The following UGT1A10 variants were observed in gnomAD, a reference collection of about 807,000 sequenced individuals.
The protein encoded by UGT1A10 is UDP-glucuronosyltransferase 1A10.
Under a neutral mutation model 45.8 loss-of-function variants are expected in UGT1A10, and 49 were observed. The ratio of observed to expected loss-of-function variants is 1.07; its 90% CI spans 0.85 to 1.36. UGT1A10 has a LOEUF of 1.36. Ranked by LOEUF, UGT1A10 falls within the 40% of genes most tolerant of loss-of-function variation. The pLI is 0.00. For synonymous variants in UGT1A10, 284 were observed against 249.7 expected, an observed-to-expected ratio of 1.14 and a Z score of -1.29; for missense variants, 745 against 668.6, an observed-to-expected ratio of 1.11 and a Z score of -1.26.
rs770923488 is a variant in UGT1A10 at position 233,692,986 on chromosome 2, T to G, written c.855+55609T>G. On this transcript the variant is annotated intron_variant, in intron 1 of 4. Coordinates refer to ENST00000344644, the MANE Select transcript of UGT1A10 (RefSeq NM_019075.4). ...AGTGAAAACTCTTTATTACCGTTGT[T>G]ACTTTAACTCTTTCCAGGATGGCCT... 4 of 1,613,542 alleles carry G rather than the reference T, an allele frequency of 2.5e-6. No homozygotes were observed. In the East Asian group the frequency reaches 8.9e-5, roughly 36 times the overall value.
At chr2:233,744,111 T>C in intron 1 of UGT1A10, 1 of 390,020 alleles carries the variant, frequency 2.6e-6, no homozygotes, top group Non-Finnish European at 4.7e-6. Context: ...CTGGCCCTGC[T>C]CTCTGTGAGG....
intron 1 of UGT1A10, chr2:233,671,853 GGTTTTGTGCT>G (rs2125501050): frequency 6.6e-7 from 1 of 1,510,124 alleles, no homozygotes; most frequent in East Asian, 2.3e-5. Context: ...ATTGGGGTCA[GGTTTTGTGCT>G]GGTATTTCTC....
chr2:233,757,975 AG>A (rs1275184498), intron 1 of UGT1A10, among the ~76,000 whole-genome samples: 1 of 152,126 alleles, frequency 6.6e-6, no homozygotes, highest in Non-Finnish European at 1.5e-5. Flanking sequence ...CTCAGCCCCT[AG>A]AGCACCATCC....
At chr2:233,672,437 T>C (rs145923738) in intron 1 of UGT1A10, 199 of 1,613,868 alleles carry the variant, frequency 1.2e-4, no homozygotes, top group Non-Finnish European at 1.4e-4. Flanking sequence ...TCCGTGGTCT[T>C]CGCCAGGGGA....
intron 1 of UGT1A10, among the ~76,000 whole-genome samples, chr2:233,720,662 A>C (rs1219238244): frequency 2.6e-5 from 4 of 151,614 alleles, no homozygotes; most frequent in East Asian, 3.9e-4. Flanking sequence ...CCAAATTCAC[A>C]CACCAATGAA....
chr2:233,669,850 A>T (rs2074146424), intron 1 of UGT1A10, among the ~76,000 whole-genome samples: 1 of 151,926 alleles, frequency 6.6e-6, no homozygotes, highest in Admixed American at 6.6e-5. Context: ...CCTGCAGCTA[A>T]TTTTTTGCAT....
rs763953331 is a variant in UGT1A10, at chr2:233,743,717, C to T, written c.856-23317C>T. The T allele has an allele frequency of 8.8e-6, 12 of 1,367,234 alleles. No individual in the cohort carries two copies. In the East Asian group the frequency reaches 2.7e-4, roughly 31 times the overall value. 84.7% of individuals were successfully genotyped at this position (1,367,234 alleles called of 1,614,324 possible). On this transcript the variant is annotated intron_variant, in intron 1 of 4. Coordinates refer to ENST00000344644, the MANE Select transcript of UGT1A10 (RefSeq NM_019075.4). ...GCCCTCCGCCCCCGCCTCGCCATAG[C>T]GGTCATAGATATCGCGTTTCTTGGC... is the stretch of plus-strand genomic sequence containing the variant.
chr2:233,757,270 C>T (rs1464122204), intron 1 of UGT1A10, among the ~76,000 whole-genome samples: 2 of 102,654 alleles, frequency 1.9e-5, no homozygotes, highest in African/African-American at 7.7e-5. Context: ...GCAGCCGATG[C>T]AATGATTCAG....
At chr2:233,764,093 T>G (rs1018562208) in intron 1 of UGT1A10, among the ~76,000 whole-genome samples, 2 of 152,200 alleles carry the variant, frequency 1.3e-5, no homozygotes, top group African/African-American at 4.8e-5. Context: ...AAGCCTAAAC[T>G]AAAAATACAA....
chr2:233,668,089 G>A (rs1350869213), intron 1 of UGT1A10, among the ~76,000 whole-genome samples: 2 of 151,892 alleles, frequency 1.3e-5, no homozygotes, highest in East Asian at 1.9e-4. Context: ...AAGTTCTAGG[G>A]TACATGTGCA....
chr2:233,672,801 C>T (rs974007570), intron 1 of UGT1A10: 5 of 1,611,850 alleles, frequency 3.1e-6, no homozygotes, highest in Non-Finnish European at 4.2e-6. Context: ...TAAGTTATCT[C>T]TCCTTTAGCA....
chr2:233,655,235 A>G (rs1388674008), intron 1 of UGT1A10, among the ~76,000 whole-genome samples: 1 of 152,216 alleles, frequency 6.6e-6, no homozygotes, highest in East Asian at 1.9e-4. Flanking sequence ...GGCAAAGTCT[A>G]TTATCAGCTA....
intron 1 of UGT1A10, chr2:233,719,003 C>A: frequency 6.2e-7 from 1 of 1,614,256 alleles, no homozygotes; most frequent in Non-Finnish European, 8.5e-7. Flanking sequence ...CGGTGGTCCT[C>A]ACCCCAGAGG....
At chr2:233,695,268 G>C (rs1263481356) in intron 1 of UGT1A10, among the ~76,000 whole-genome samples, 1 of 151,854 alleles carries the variant, frequency 6.6e-6, no homozygotes, top group African/African-American at 2.4e-5. Flanking sequence ...TGGGACTATA[G>C]GCATGTGCCA....
At chr2:233,754,200 T>C (rs1333668014) in intron 1 of UGT1A10, 4 of 162,792 alleles carry the variant, frequency 2.5e-5, no homozygotes, top group Non-Finnish European at 5.4e-5. Context: ...CAGTAAAACA[T>C]TGAAGTCAAA....
chr2:233,761,044 G>C (rs1697654904), intron 1 of UGT1A10: 3 of 1,614,190 alleles, frequency 1.9e-6, no homozygotes, highest in Non-Finnish European at 2.5e-6. Flanking sequence ...CTCTGCATCT[G>C]TCTGGCTGTT....
intron 1 of UGT1A10, chr2:233,754,778 A>G (rs1399549713): frequency 3.5e-6 from 4 of 1,127,052 alleles, no homozygotes; most frequent in Non-Finnish European, 3.6e-6. Flanking sequence ...CCAGGGAGCC[A>G]AAGGAACGAA....
chr2:233,698,798 C>T (rs572322118), intron 1 of UGT1A10, among the ~76,000 whole-genome samples: 1 of 152,238 alleles, frequency 6.6e-6, no homozygotes, highest in South Asian at 2.1e-4. Flanking sequence ...AACCTCTGGG[C>T]TCCCAGCCTC....
rs534080873 is a variant in UGT1A10 at position 233,731,172 on chromosome 2, T to C, written c.856-35862T>C. Among the ~76,000 whole-genome samples, 21 of 152,344 alleles carry C rather than the reference T, an allele frequency of 1.4e-4. No individual in the cohort carries two copies. The South Asian group carries it at 3.1e-3, about 23-fold the overall frequency. The stretch of plus-strand genomic sequence containing the variant: ...CTTTTTGATCAAACGACATGATTTT[T>C]TTATGCAATGTAATTATTCAATTAT... On this transcript the variant is annotated intron_variant, in intron 1 of 4. Coordinates refer to ENST00000344644, the MANE Select transcript of UGT1A10 (RefSeq NM_019075.4).
Sources: allele counts gnomAD v4.1 joint callset (sites outside exome capture counted in the v4.1 genomes callset), GRCh38; gene constraint gnomAD v4.1.1; transcripts MANE v1.5; gene names NCBI Gene and HGNC (gene_info 2026-07-23, HGNC 2026-07-21).